Variants in GABRA3 observed in about 807,000 individuals in gnomAD.
GABRA3 encodes the protein gamma-aminobutyric acid type A receptor subunit alpha3, also known as gamma-aminobutyric acid receptor subunit alpha-3.
In GABRA3, 10 loss-of-function variants were observed where a neutral mutation model predicts 30.1. The ratio of observed to expected loss-of-function variants is 0.33; its 90% CI spans 0.20 to 0.56. The LOEUF (loss-of-function observed/expected upper bound fraction) is 0.56. GABRA3 is among the 20% of genes least tolerant of loss of function. The pLI is 0.89. For synonymous variants in GABRA3, 151 were observed against 146.8 expected (o/e 1.03, Z -0.21); for missense variants, 233 against 392.0 (o/e 0.59, Z 3.42).
intron 3 of GABRA3, among the ~76,000 whole-genome samples, chrX:152,319,243 G>A (rs1939924608): frequency 1.8e-5 from 2 of 111,043 alleles, no homozygotes; most frequent in Non-Finnish European, 3.8e-5. Context: ...AATTCATATG[G>A]AACCAAAAAA....
At chrX:152,279,396 G>T (rs911167706) in intron 4 of GABRA3, among the ~76,000 whole-genome samples, 2 of 111,399 alleles carry the variant, frequency 1.8e-5, no homozygotes, top group Non-Finnish European at 3.8e-5. Flanking sequence ...GTTTTTGTCA[G>T]GTTTGTCAAA....
intron 1 of GABRA3, among the ~76,000 whole-genome samples, chrX:152,435,846 A>G: frequency 8.9e-6 from 1 of 111,862 alleles, no homozygotes; most frequent in East Asian, 2.8e-4. Context: ...CAATATCAAT[A>G]GACAAAAATT....
chrX:152,302,491 A>G (rs932697739), intron 3 of GABRA3, among the ~76,000 whole-genome samples: 1 of 111,288 alleles, frequency 9.0e-6, no homozygotes, highest in Admixed American at 9.6e-5. Context: ...ATATAATGAG[A>G]TATTTTGGGG....
intron 5 of GABRA3, among the ~76,000 whole-genome samples, chrX:152,228,646 G>A (rs113716683): frequency 9.0e-6 from 1 of 111,540 alleles, no homozygotes; most frequent in Admixed American, 9.6e-5. Flanking sequence ...AGTGAAATAC[G>A]TTTCTCTTGT....
At chrX:152,315,329 G>A (rs902529346) in intron 3 of GABRA3, among the ~76,000 whole-genome samples, 10 of 111,211 alleles carry the variant, frequency 9.0e-5, no homozygotes, top group African/African-American at 2.9e-4. Flanking sequence ...AGGGGTAGAG[G>A]AAGCAGCGGG....
chrX:152,227,976 G>A (rs1360783200), intron 5 of GABRA3, among the ~76,000 whole-genome samples: 2 of 111,247 alleles, frequency 1.8e-5, no homozygotes, highest in African/African-American at 6.5e-5. Context: ...TATGTTCTAT[G>A]TATAAGGTAG....
chrX:152,309,285 T>C (rs886946488), intron 3 of GABRA3, among the ~76,000 whole-genome samples: 3 of 111,804 alleles, frequency 2.7e-5, no homozygotes, highest in Non-Finnish European at 5.6e-5. Flanking sequence ...AGGAAATTTA[T>C]AGAATCCCTG....
chrX:152,332,653 G>C (rs1482127588), intron 3 of GABRA3, among the ~76,000 whole-genome samples: 1 of 111,957 alleles, frequency 8.9e-6, no homozygotes, highest in African/African-American at 3.2e-5. Context: ...TTAGACAGCT[G>C]GAACAACCGG....
At chrX:152,378,718 A>G (rs1274638700) in intron 1 of GABRA3, among the ~76,000 whole-genome samples, 1 of 111,795 alleles carries the variant, frequency 8.9e-6, no homozygotes, top group African/African-American at 3.2e-5. Flanking sequence ...GCAAATAAAA[A>G]AGTTATCAGA....
rs193280744 is a variant in GABRA3 at position 152,253,084 on chromosome X, A to G, written c.551+2694T>C. ...TTGACTACCACACTTAGCTTTCATGATACTGCACATTGTTAACAGCTCCCT... is the reference window on the plus strand; with the variant it reads ...TTGACTACCACACTTAGCTTTCATGGTACTGCACATTGTTAACAGCTCCCT... On this transcript the variant is annotated intron_variant, in intron 5 of 9. Coordinates refer to ENST00000370314, the MANE Select transcript of GABRA3 (RefSeq NM_000808.4). Among the ~76,000 whole-genome samples, 3 of 111,382 alleles carry G rather than the reference A, an allele frequency of 2.7e-5. No homozygotes were observed. The Admixed American group carries it at 2.9e-4, about 11-fold the overall frequency.
rs1556761885 is a variant in GABRA3 at position 152,182,653 on chromosome X, C to CACTATATATGT, written c.1143+7076_1143+7077insACATATATAGT. Reference sequence around the variant, plus strand: ...ATACACTATATATACACTATATATACATATATAGTGTATATATACACTATA... The same window carrying CACTATATATGT: ...ATACACTATATATACACTATATATACACTATATATGTATATATAGTGTATATATACACTATA... On this transcript the variant is annotated intron_variant, in intron 9 of 9. Coordinates refer to ENST00000370314, the MANE Select transcript of GABRA3 (RefSeq NM_000808.4). Among the ~76,000 whole-genome samples the CACTATATATGT allele has an allele frequency of 1.0e-3, 9 of 8,611 alleles. 1 individual carries two copies. Among genetic ancestry groups the CACTATATATGT allele is most frequent in the African/African-American group, 3.4e-3 (7 of 2,047 alleles). 7.5% of individuals were successfully genotyped at this position (8,611 alleles called of 115,157 possible).
At position 152,271,431 on chromosome X, in the gene GABRA3, T is replaced by C. The variant is rs5925152; in HGVS notation, c.330+13237A>G. 8.2e-3 allele frequency among the ~76,000 whole-genome samples: 922 copies of C among 112,414 alleles called. 7 individuals carry two copies. Among genetic ancestry groups the C allele is most frequent in the Non-Finnish European group, 0.012 (632 of 53,308 alleles). On this transcript the variant is annotated intron_variant, in intron 4 of 9. Transcript: ENST00000370314. Reference sequence around the variant, plus strand: ...GACTGGTGGCATTTTGCCCCTGCCCTAGAGATCTGTGGAACTTTGAACTTG... The same window carrying C: ...GACTGGTGGCATTTTGCCCCTGCCCCAGAGATCTGTGGAACTTTGAACTTG...
chrX:152,243,056 C>T (rs1232560636), intron 5 of GABRA3, among the ~76,000 whole-genome samples: 3 of 111,711 alleles, frequency 2.7e-5, no homozygotes, highest in Non-Finnish European at 3.8e-5. Context: ...GAAATCCTGC[C>T]ACTTGCGACA....
chrX:152,410,792 C>T (rs1295595046), intron 1 of GABRA3, among the ~76,000 whole-genome samples: 1 of 110,447 alleles, frequency 9.1e-6, no homozygotes, highest in Non-Finnish European at 1.9e-5. Context: ...ATATACAAAT[C>T]ACACAAAAAT....
chrX:152,172,119 C>T (rs1317822854), intron 9 of GABRA3, among the ~76,000 whole-genome samples: 1 of 111,468 alleles, frequency 9.0e-6, no homozygotes, highest in Non-Finnish European at 1.9e-5. Flanking sequence ...AACAAAAACC[C>T]AAACAACTCA....
rs1044002832 is a variant in GABRA3, at chrX:152,252,334, CAAT to C, written c.551+3441_551+3443del. Among the ~76,000 whole-genome samples the C allele has an allele frequency of 2.4e-3, 268 of 111,380 alleles. 1 individual carries two copies. Among genetic ancestry groups the C allele is most frequent in the African/African-American group, 8.2e-3 (251 of 30,770 alleles). ...ATATTACATCTCTTTTTATAGCCAA[CAAT>C]GTTGTAAAAAATGTGTAAACAGGGT... is the stretch of plus-strand genomic sequence containing the variant. On this transcript the variant is annotated intron_variant, in intron 5 of 9. Transcript: ENST00000370314.
rs974454496 is a variant in GABRA3 at position 152,223,935 on chromosome X, T to G, written c.634+828A>C. On this transcript the variant is annotated intron_variant, in intron 6 of 9. Transcript: ENST00000370314. ...AATATAGCTCCAAAAGAGCAAGGCT[T>G]TTGTTTTATTCACGGATGCATTCCA... Among the ~76,000 whole-genome samples the G allele has an allele frequency of 2.7e-5, 3 of 111,562 alleles. No individual in the cohort carries two copies. The Admixed American group carries it at 2.9e-4, about 11-fold the overall frequency.
intron 9 of GABRA3, among the ~76,000 whole-genome samples, chrX:152,187,675 A>G (rs1355022841): frequency 1.8e-5 from 2 of 111,428 alleles, no homozygotes; most frequent in Admixed American, 9.6e-5. Flanking sequence ...GAGATTATAT[A>G]GACAACAAGT....
intron 5 of GABRA3, among the ~76,000 whole-genome samples, chrX:152,248,023 C>T (rs754691934): frequency 9.0e-6 from 1 of 110,835 alleles, no homozygotes; most frequent in Non-Finnish European, 1.9e-5. Flanking sequence ...TTCCTCGATA[C>T]CCTATATCCA....
Sources: gnomAD v4.1 joint callset for allele counts (sites outside exome capture counted in the v4.1 genomes callset) on GRCh38, gnomAD v4.1.1 for gene constraint, MANE v1.5 for transcripts, NCBI Gene and HGNC (gene_info 2026-07-23, HGNC 2026-07-21) for gene names.